Variants in CD180 observed in about 807,000 individuals in gnomAD.
CD180 encodes the protein CD180 antigen.
Under a neutral mutation model 10.7 loss-of-function variants are expected in CD180, and 11 were observed. The observed-to-expected ratio is 1.03, with a 90% CI of 0.65 to 1.70. CD180 has a LOEUF of 1.70. CD180 is among the 40% of genes most tolerant of loss of function. CD180 has a pLI of 0.00. For synonymous variants in CD180, 286 were observed against 294.6 expected (o/e 0.97, Z 0.30); for missense variants, 729 against 775.2 (o/e 0.94, Z 0.71).
At position 67,181,745 on chromosome 5, in the gene CD180, T is replaced by C. The variant is rs1742051815; in HGVS notation, c.*1112A>G. 1 of 152,176 alleles carries C rather than the reference T, an allele frequency of 6.6e-6. No homozygotes were observed. The highest frequency in any genetic ancestry group is 2.4e-5 in the African/African-American group (1 of 41,434). 9.4% of individuals were successfully genotyped at this position (152,176 alleles called of 1,614,324 possible). On this transcript the variant is annotated 3_prime_UTR_variant, in exon 3 of 3. Coordinates refer to ENST00000256447, the MANE Select transcript of CD180 (RefSeq NM_005582.3). ...AGTATGGCCCTTTAAGCCTAAGTCATGACATTGCTCTTTGTCTATCTGCAT... is the reference window on the plus strand; with the variant it reads ...AGTATGGCCCTTTAAGCCTAAGTCACGACATTGCTCTTTGTCTATCTGCAT...
intron 1 of CD180, among the ~76,000 whole-genome samples, chr5:67,189,326 CT>C (rs1195274678): frequency 2.6e-5 from 4 of 152,190 alleles, no homozygotes; most frequent in African/African-American, 9.7e-5. Context: ...AGGAGGAGCT[CT>C]GCTAAGCCAG....
intron 1 of CD180, among the ~76,000 whole-genome samples, chr5:67,190,467 A>G (rs988519825): frequency 1.3e-5 from 2 of 152,218 alleles, no homozygotes; most frequent in Non-Finnish European, 1.5e-5. Flanking sequence ...ACCATTTCCT[A>G]TAAACCCAGC....
intron 1 of CD180, among the ~76,000 whole-genome samples, chr5:67,194,030 A>G (rs1428467): frequency 0.07 from 10,722 of 152,182 alleles, 723 homozygotes; most frequent in East Asian, 0.21. Context: ...TTGACCTGAA[A>G]CCACCTTTGC....
At chr5:67,188,349 C>T (rs528671514) in intron 1 of CD180, among the ~76,000 whole-genome samples, 2 of 152,244 alleles carry the variant, frequency 1.3e-5, no homozygotes, top group South Asian at 2.1e-4. Flanking sequence ...TACAAATTAC[C>T]CAGGCTGTGG....
rs776941829 is a variant in CD180 at position 67,182,820 on chromosome 5, A to G, written c.*37T>C. The stretch of plus-strand genomic sequence containing the variant: ...TTCTTTCACTTAGAGCAATTTTGCT[A>G]AGCACACTTATTTGCTTTCTCTGGA... On this transcript the variant is annotated 3_prime_UTR_variant, in exon 3 of 3. Coordinates refer to ENST00000256447, the MANE Select transcript of CD180 (RefSeq NM_005582.3). The G allele has an allele frequency of 6.5e-7, 1 of 1,531,310 alleles. No individual in the cohort carries two copies. The highest frequency in any genetic ancestry group is 8.8e-7 in the Non-Finnish European group (1 of 1,137,974). The allele number at this position is 1,531,310 out of a possible 1,614,324, so 94.9% of individuals were successfully genotyped here.
chr5:67,190,505 G>T (rs1434652555), intron 1 of CD180, among the ~76,000 whole-genome samples: 1 of 152,254 alleles, frequency 6.6e-6, no homozygotes, highest in Admixed American at 6.5e-5. Context: ...GTCTAGAAAT[G>T]TGGTTAATTT....
intron 1 of CD180, among the ~76,000 whole-genome samples, chr5:67,194,580 T>A (rs934058688): frequency 6.6e-6 from 1 of 152,184 alleles, no homozygotes; most frequent in African/African-American, 2.4e-5. Flanking sequence ...TCTCCAAGAC[T>A]TTGGAGTGAT....
intron 1 of CD180, among the ~76,000 whole-genome samples, chr5:67,193,494 A>T (rs1317469349): frequency 6.6e-6 from 1 of 152,206 alleles, no homozygotes; most frequent in Non-Finnish European, 1.5e-5. Context: ...ACACAGTAGC[A>T]AGGGCTCCCT....
intron 1 of CD180, among the ~76,000 whole-genome samples, chr5:67,188,307 C>T (rs5744502): frequency 0.013 from 2,052 of 152,340 alleles, 54 homozygotes; most frequent in African/African-American, 0.047. Context: ...GACTTCCTAG[C>T]TCCCAACTAT....
At chr5:67,186,932 C>G (rs1742208604) in intron 1 of CD180, among the ~76,000 whole-genome samples, 1 of 151,038 alleles carries the variant, frequency 6.6e-6, no homozygotes, top group Non-Finnish European at 1.5e-5. Context: ...TTAAAAGATA[C>G]AGAGATATAA....
intron 1 of CD180, among the ~76,000 whole-genome samples, chr5:67,187,458 A>G (rs184118160): frequency 2.0e-5 from 3 of 152,344 alleles, no homozygotes; most frequent in East Asian, 3.9e-4. Context: ...AACCCTACAC[A>G]TAAGTACAGA....
At chr5:67,186,132 C>G in intron 1 of CD180, 115 bp from the exon 2 acceptor site, 1 of 609,452 alleles carries the variant, frequency 1.6e-6, no homozygotes, top group South Asian at 3.2e-5. Flanking sequence ...TAATCTTTAC[C>G]AAATATACAC....
intron 1 of CD180, among the ~76,000 whole-genome samples, chr5:67,194,760 C>T (rs906009178): frequency 1.3e-5 from 2 of 152,190 alleles, no homozygotes; most frequent in Non-Finnish European, 2.9e-5. Flanking sequence ...AGGGGACAGC[C>T]TTCTGGGGCT....
At position 67,184,393 on chromosome 5, in the gene CD180, G is replaced by A; in HGVS notation, c.450C>T (p.Asn150=). The A allele has an allele frequency of 6.2e-7, 1 of 1,613,676 alleles. No homozygotes were observed. The highest frequency in any genetic ancestry group is 8.5e-7 in the Non-Finnish European group (1 of 1,179,582). Reference sequence around the variant, plus strand: ...TGCTTCCAAGATACAAGCTTTCCAAGTTTTCCAGATTGTGCACTGGAATAA... The same window carrying A: ...TGCTTCCAAGATACAAGCTTTCCAAATTTTCCAGATTGTGCACTGGAATAA... ...LEFIPVHNLE[N]LESLYLGSNH... Residue 150 remains asparagine (N), a synonymous_variant, in exon 3 of 3, where the codon AAC becomes AAT. Coordinates refer to ENST00000256447, the MANE Select transcript of CD180 (RefSeq NM_005582.3).
In CD180 at chr5:67,180,013, A is replaced by G. The variant is rs531359286; in HGVS notation, c.*2844T>C. 4 of 152,370 alleles carry G rather than the reference A, an allele frequency of 2.6e-5. No individual in the cohort carries two copies. The highest frequency in any genetic ancestry group is 9.6e-5 in the African/African-American group (4 of 41,594). The allele number at this position is 152,370 out of a possible 1,614,324, so 9.4% of individuals were successfully genotyped here. On this transcript the variant is annotated 3_prime_UTR_variant, in exon 3 of 3. Coordinates refer to ENST00000256447, the MANE Select transcript of CD180 (RefSeq NM_005582.3). ...CACACCATGTTACAGAGTCTATCCT[A>G]GTAAACAGGTTAAAGCAATAAAATT... is the stretch of plus-strand genomic sequence containing the variant.
At position 67,182,885 on chromosome 5, in the gene CD180, A is replaced by G. The variant is rs949324975; in HGVS notation, c.1958T>C (p.Leu653Pro). Residue 653 changes from leucine (L) to proline (P), a missense_variant, in exon 3 of 3, where the codon CTT becomes CCT. Transcript: ENST00000256447. ...AILLFFAVKYLLRWKYQHI is the reference protein window; with the variant it reads ...AILLFFAVKYPLRWKYQHI ...AATGTGTTGGTATTTCCACCTGAGA[A>G]GGTATTTAACTGCAAAAAATAGCAG... 1 of 1,608,926 alleles carries G rather than the reference A, an allele frequency of 6.2e-7. No homozygotes were observed. The highest frequency in any genetic ancestry group is 8.5e-7 in the Non-Finnish European group (1 of 1,177,244).
rs778343597 is a variant in CD180, at chr5:67,196,631, T to C, written c.11A>G (p.Asp4Gly). MAFDVSCFFWVVLF... is the reference protein window; with the variant it reads MAFGVSCFFWVVLF... ...CACCACCCAAAAGAAGCAGCTGACG[T>C]CAAACGCCATCACAGGCTAGGATTG... Residue 4 changes from aspartate to glycine, a missense_variant, in exon 1 of 3, where the codon GAC becomes GGC. Coordinates refer to ENST00000256447, the MANE Select transcript of CD180 (RefSeq NM_005582.3). The C allele has an allele frequency of 9.3e-6, 15 of 1,613,744 alleles. No homozygotes were observed. In the African/African-American group the frequency reaches 1.9e-4, roughly 20 times the overall value.
chr5:67,186,873 TGAAAGA>T (rs1180893265), intron 1 of CD180, among the ~76,000 whole-genome samples: 4 of 139,720 alleles, frequency 2.9e-5, no homozygotes, highest in African/African-American at 1.1e-4. Context: ...TGTGTGTGTG[TGAAAGA>T]GAGAGAGAGA....
At chr5:67,191,174 C>A in intron 1 of CD180, 1 of 763,776 alleles carries the variant, frequency 1.3e-6, no homozygotes. Flanking sequence ...AAGGGCATTC[C>A]AGTTACATGC....
Sources: allele counts gnomAD v4.1 joint callset (sites outside exome capture counted in the v4.1 genomes callset), GRCh38; gene constraint gnomAD v4.1.1; transcripts MANE v1.5; gene names NCBI Gene and HGNC (gene_info 2026-07-23, HGNC 2026-07-21).